Variants in NELL1 observed in about 807,000 individuals in gnomAD.
The protein encoded by NELL1 is protein kinase C-binding protein NELL1.
NELL1 carries 76 observed loss-of-function variants against 107.4 expected under a neutral mutation model. That is an observed-to-expected ratio of 0.71 (90% CI 0.59 to 0.86). The LOEUF is 0.86. NELL1 is among the 40% of genes least tolerant of loss of function. The probability of loss-of-function intolerance (pLI) is 0.00; values close to 1 mark genes in which losing one functional copy is unlikely to be tolerated. For missense variants in NELL1, 1,024 were observed against 1,005.5 expected, an observed-to-expected ratio of 1.02 and a Z score of -0.25; for synonymous variants, 353 against 341.2, an observed-to-expected ratio of 1.03 and a Z score of -0.38.
chr11:21,546,859 T>C (rs1479301841), intron 16 of NELL1, among the ~76,000 whole-genome samples: 2 of 152,026 alleles, frequency 1.3e-5, no homozygotes, highest in Non-Finnish European at 2.9e-5. Flanking sequence ...TATTTACCTG[T>C]GGGTTTATGA....
At chr11:21,172,947 T>C (rs1285910778) in intron 13 of NELL1, among the ~76,000 whole-genome samples, 1 of 151,774 alleles carries the variant, frequency 6.6e-6, no homozygotes, top group African/African-American at 2.4e-5. Flanking sequence ...TGTGTATGTG[T>C]GTGATGCTAC....
chr11:21,071,979 G>A (rs776336345), intron 12 of NELL1, among the ~76,000 whole-genome samples: 7 of 152,030 alleles, frequency 4.6e-5, no homozygotes, highest in East Asian at 1.9e-4. Context: ...TGCCCAATTT[G>A]GTAGCAGAAG....
At chr11:21,550,057 A>G (rs1288515226) in intron 16 of NELL1, among the ~76,000 whole-genome samples, 1 of 151,856 alleles carries the variant, frequency 6.6e-6, no homozygotes, top group Non-Finnish European at 1.5e-5. Context: ...CAACTCCTCC[A>G]CAGAGACTAG....
chr11:20,920,621 C>G (rs2134162585), intron 7 of NELL1, among the ~76,000 whole-genome samples: 1 of 152,098 alleles, frequency 6.6e-6, no homozygotes, highest in East Asian at 1.9e-4. Context: ...AGCTTGATCT[C>G]AATACTGTTA....
chr11:20,723,733 G>C (rs192372592), intron 2 of NELL1, among the ~76,000 whole-genome samples: 5 of 119,596 alleles, frequency 4.2e-5, no homozygotes, highest in East Asian at 2.0e-4. Context: ...GGGACTCTGT[G>C]GGGGGGGGCT....
At chr11:21,342,653 A>G (rs552927977) in intron 14 of NELL1, among the ~76,000 whole-genome samples, 28 of 138,736 alleles carry the variant, frequency 2.0e-4, no homozygotes, top group East Asian at 9.0e-4. Context: ...AAAAAAAAAA[A>G]AAAAAGAAAA....
At chr11:20,775,115 T>C (rs1332553737) in intron 2 of NELL1, among the ~76,000 whole-genome samples, 1 of 152,228 alleles carries the variant, frequency 6.6e-6, no homozygotes, top group African/African-American at 2.4e-5. Context: ...TGTAGTTTTT[T>C]TTCTTACAAT....
At chr11:21,417,537 T>A (rs1852548709) in intron 15 of NELL1, among the ~76,000 whole-genome samples, 1 of 152,106 alleles carries the variant, frequency 6.6e-6, no homozygotes, top group Admixed American at 6.6e-5. Context: ...TTTTTCCTTT[T>A]TACTAGTAAA....
chr11:21,505,594 A>G (rs1264762176), intron 15 of NELL1, among the ~76,000 whole-genome samples: 3 of 152,112 alleles, frequency 2.0e-5, no homozygotes, highest in African/African-American at 4.8e-5. Context: ...TCCTGCATCA[A>G]GGTTTTTTGC....
At chr11:21,513,786 G>A (rs370430063) in intron 15 of NELL1, among the ~76,000 whole-genome samples, 11 of 152,246 alleles carry the variant, frequency 7.2e-5, no homozygotes, top group South Asian at 4.1e-4. Context: ...AAGAAACTGA[G>A]ACTGAAATAT....
rs1332668707 is a variant in NELL1, at chr11:20,807,648, G to C, written c.335+23818G>C. ...TCCCTTCTGTGCAGCAAGTTCCCCTGGGCCCTGGGTGGGTCCAGAGATTCC... is the reference window on the plus strand; with the variant it reads ...TCCCTTCTGTGCAGCAAGTTCCCCTCGGCCCTGGGTGGGTCCAGAGATTCC... On this transcript the variant is annotated intron_variant, in intron 3 of 19. Coordinates refer to ENST00000357134, the MANE Select transcript of NELL1 (RefSeq NM_006157.5). Among the ~76,000 whole-genome samples the C allele has an allele frequency of 3.3e-5, 5 of 152,192 alleles. No homozygotes were observed. The East Asian group carries it at 9.6e-4, about 29-fold the overall frequency.
intron 2 of NELL1, among the ~76,000 whole-genome samples, chr11:20,706,617 A>G (rs972668083): frequency 6.6e-6 from 1 of 152,010 alleles, no homozygotes; most frequent in African/African-American, 2.4e-5. Flanking sequence ...ACATGTATAC[A>G]TATGTAACAA....
intron 15 of NELL1, among the ~76,000 whole-genome samples, chr11:21,375,978 T>C (rs548021536): frequency 1.3e-5 from 2 of 152,254 alleles, no homozygotes; most frequent in Non-Finnish European, 2.9e-5. Flanking sequence ...TTGTGAAGAT[T>C]TTCTCCCATT....
At chr11:20,877,640 G>A (rs1434959703) in intron 4 of NELL1, among the ~76,000 whole-genome samples, 1 of 152,164 alleles carries the variant, frequency 6.6e-6, no homozygotes, top group African/African-American at 2.4e-5. Context: ...TTACACCTTG[G>A]GAAGAAAATT....
At chr11:21,322,508 A>T (rs1357746791) in intron 14 of NELL1, among the ~76,000 whole-genome samples, 12 of 152,168 alleles carry the variant, frequency 7.9e-5, no homozygotes, top group Admixed American at 7.9e-4. Flanking sequence ...TTACATTGTG[A>T]GTCAGTACAA....
intron 13 of NELL1, among the ~76,000 whole-genome samples, chr11:21,127,034 AC>A (rs1341374633): frequency 6.6e-6 from 1 of 152,176 alleles, no homozygotes; most frequent in Non-Finnish European, 1.5e-5. Context: ...AACTGCAAAC[AC>A]TTTTTGGCAT....
chr11:21,420,349 C>G (rs905650939), intron 15 of NELL1, among the ~76,000 whole-genome samples: 1 of 150,286 alleles, frequency 6.7e-6, no homozygotes, highest in Non-Finnish European at 1.5e-5. Flanking sequence ...ATAAAAGGAA[C>G]AAAAATGATA....
chr11:21,013,467 C>T (rs1852495151), intron 12 of NELL1, among the ~76,000 whole-genome samples: 1 of 152,096 alleles, frequency 6.6e-6, no homozygotes, highest in African/African-American at 2.4e-5. Context: ...ATGGACAAGG[C>T]ATCCAAGGAA....
At position 20,847,812 on chromosome 11, in the gene NELL1, G is replaced by A. The variant is rs149329452; in HGVS notation, c.506+59G>A. 1.9e-4 allele frequency: 283 copies of A among 1,498,086 alleles called. 2 individuals are homozygous for A. The East Asian group carries it at 6.8e-3, about 36-fold the overall frequency. The allele number at this position is 1,498,086 out of a possible 1,614,324, so 92.8% of individuals were successfully genotyped here. On this transcript the variant is annotated intron_variant, in intron 4 of 19. Transcript: ENST00000357134. ...CCCTTGAAATCAAGCAATGGAAAAG[G>A]GGAAAAAATATCAAATTCCTTCAAG...
Sources: gnomAD v4.1 joint callset for allele counts (sites outside exome capture counted in the v4.1 genomes callset) on GRCh38, gnomAD v4.1.1 for gene constraint, MANE v1.5 for transcripts, NCBI Gene and HGNC (gene_info 2026-07-23, HGNC 2026-07-21) for gene names.